TXNDC11: variants seen among roughly 807,000 people sequenced by gnomAD.
The protein encoded by TXNDC11 is thioredoxin domain containing 11, also known as thioredoxin domain-containing protein 11.
A neutral mutation model predicts 78.0 loss-of-function variants in TXNDC11; 68 were observed. That is an observed-to-expected ratio of 0.87 (90% confidence interval 0.72 to 1.07). The LOEUF is 1.07. Among genes scored for constraint, TXNDC11 ranks in the 50% least tolerant of loss-of-function variants. TXNDC11 has a pLI of 0.00. For missense variants in TXNDC11, 1,389 were observed against 1,221.8 expected, an observed-to-expected ratio of 1.14 and a Z score of -2.04; for synonymous variants, 571 against 495.2, an observed-to-expected ratio of 1.15 and a Z score of -2.03.
intron 4 of TXNDC11, among the ~76,000 whole-genome samples, chr16:11,727,303 A>G (rs1277704524): frequency 1.3e-5 from 2 of 152,082 alleles, no homozygotes; most frequent in Non-Finnish European, 2.9e-5. Flanking sequence ...TGTTACAAAC[A>G]TATCTAACAG....
At chr16:11,741,945 C>G (rs1429373597) in intron 1 of TXNDC11, 1 of 152,576 alleles carries the variant, frequency 6.6e-6, no homozygotes, top group Non-Finnish European at 1.5e-5. Context: ...GGCAGAAGAA[C>G]CCCTTGAACC....
intron 5 of TXNDC11, among the ~76,000 whole-genome samples, chr16:11,701,908 T>C (rs574090429): frequency 6.6e-6 from 1 of 152,168 alleles, no homozygotes; most frequent in East Asian, 1.9e-4. Flanking sequence ...CACATGTTTG[T>C]TAGGAGTCAC....
At chr16:11,716,246 T>A (rs2051523968) in intron 5 of TXNDC11, among the ~76,000 whole-genome samples, 1 of 152,248 alleles carries the variant, frequency 6.6e-6, no homozygotes, top group Non-Finnish European at 1.5e-5. Context: ...GGTCAAAATT[T>A]GCTGCAAATC....
intron 3 of TXNDC11, among the ~76,000 whole-genome samples, chr16:11,733,693 G>C (rs958034087): frequency 2.0e-5 from 3 of 152,154 alleles, no homozygotes; most frequent in African/African-American, 7.2e-5. Flanking sequence ...AAATGCATTG[G>C]AGTAATTCGT....
intron 3 of TXNDC11, among the ~76,000 whole-genome samples, chr16:11,731,121 T>C (rs931284030): frequency 5.9e-5 from 9 of 152,306 alleles, no homozygotes; most frequent in South Asian, 2.1e-4. Context: ...ACCCTGGAAA[T>C]TGACCACATG....
At chr16:11,729,613 T>A (rs2051985041) in intron 4 of TXNDC11, among the ~76,000 whole-genome samples, 1 of 152,246 alleles carries the variant, frequency 6.6e-6, no homozygotes, top group Admixed American at 6.5e-5. Flanking sequence ...CATGGTTTTT[T>A]AATCTCTGTC....
At position 11,691,736 on chromosome 16, in the gene TXNDC11, A is replaced by G. The variant is rs1366376705; in HGVS notation, c.1454T>C (p.Val485Ala). Reference sequence around the variant, plus strand: ...GCTGCATTCTATGCTGTCTGATGCCACATGATAAAAGGTCTGCTCCTTGAG... The same window carrying G: ...GCTGCATTCTATGCTGTCTGATGCCGCATGATAAAAGGTCTGCTCCTTGAG... ...FYLKEQTFYH[V>A]ASDSIECSNF... is the part of the protein sequence containing the mutation. Residue 485 changes from valine to alanine, a missense_variant, in exon 8 of 12, where the codon GTG becomes GCG. Val to Ala is a moderately conservative substitution (Grantham distance 64, BLOSUM62 0). Coordinates refer to ENST00000283033, the MANE Select transcript of TXNDC11 (RefSeq NM_015914.7). 2.5e-6 allele frequency: 4 copies of G among 1,614,260 alleles called. No homozygotes were observed. The highest frequency in any genetic ancestry group is 3.4e-6 in the Non-Finnish European group (4 of 1,180,056).
intron 3 of TXNDC11, 76 bp from the exon 4 acceptor site, chr16:11,730,850 T>A: frequency 9.0e-7 from 1 of 1,108,444 alleles, no homozygotes; most frequent in Non-Finnish European, 1.2e-6. Context: ...AATGTATAAC[T>A]AAAATCATCA....
chr16:11,724,922 T>A (rs527305628), intron 4 of TXNDC11, among the ~76,000 whole-genome samples: 2 of 152,216 alleles, frequency 1.3e-5, no homozygotes, highest in Admixed American at 6.5e-5. Flanking sequence ...ATTTTTTGTA[T>A]TTTTAGTAGA....
intron 5 of TXNDC11, among the ~76,000 whole-genome samples, chr16:11,717,693 C>A (rs979683085): frequency 6.7e-6 from 1 of 149,992 alleles, no homozygotes; most frequent in East Asian, 2.0e-4. Context: ...TGGTGGCAGG[C>A]GCCTGTAATC....
At chr16:11,720,168 G>C (rs1248439568) in intron 5 of TXNDC11, among the ~76,000 whole-genome samples, 1 of 152,118 alleles carries the variant, frequency 6.6e-6, no homozygotes, top group Non-Finnish European at 1.5e-5. Flanking sequence ...ACAATTGGGA[G>C]AATATGACCT....
chr16:11,697,207 A>C (rs1040983655), intron 7 of TXNDC11, among the ~76,000 whole-genome samples: 1 of 152,182 alleles, frequency 6.6e-6, no homozygotes, highest in Non-Finnish European at 1.5e-5. Flanking sequence ...TCATAACTTG[A>C]GCAAAAAGAC....
chr16:11,725,566 C>G (rs969373013), intron 4 of TXNDC11, among the ~76,000 whole-genome samples: 1 of 152,174 alleles, frequency 6.6e-6, no homozygotes, highest in Non-Finnish European at 1.5e-5. Flanking sequence ...CAAGGCTGGG[C>G]TGTCGTCCAG....
In TXNDC11 at chr16:11,679,850, G is replaced by A; in HGVS notation, c.2235-13C>T. On this transcript the variant is annotated splice_polypyrimidine_tract_variant and intron_variant, in intron 11 of 11. Transcript: ENST00000283033. The surrounding 1 kb of genome is among the most constrained non-coding windows in gnomAD (Gnocchi z 4.6). ...ACTTAGGTCCTTTCTGGAGAGAGAG[G>A]GAAAGGAAGCAAAGACAGGAGTCAC... 2.5e-6 allele frequency: 4 copies of A among 1,597,754 alleles called. No individual in the cohort carries two copies. Among genetic ancestry groups the A allele is most frequent in the African/African-American group, 1.3e-5 (1 of 74,594 alleles).
chr16:11,718,562 C>T (rs1337481004), intron 5 of TXNDC11, among the ~76,000 whole-genome samples: 1 of 151,806 alleles, frequency 6.6e-6, no homozygotes, highest in Non-Finnish European at 1.5e-5. Flanking sequence ...AGGAAAACAC[C>T]ATTTGACTTC....
At chr16:11,740,829 A>C (rs980424527) in intron 1 of TXNDC11, among the ~76,000 whole-genome samples, 2 of 152,214 alleles carry the variant, frequency 1.3e-5, no homozygotes, top group Non-Finnish European at 2.9e-5. Flanking sequence ...TCAAACTTTA[A>C]TGGGGATTGT....
chr16:11,680,984 T>C (rs905900546), intron 11 of TXNDC11, among the ~76,000 whole-genome samples: 3 of 151,626 alleles, frequency 2.0e-5, no homozygotes, highest in African/African-American at 7.3e-5. Context: ...CTGGACAATA[T>C]AGTAAGGCCT....
At chr16:11,693,358 T>C (rs762918575) in intron 7 of TXNDC11, among the ~76,000 whole-genome samples, 11 of 152,190 alleles carry the variant, frequency 7.2e-5, no homozygotes, top group Non-Finnish European at 1.5e-4. Flanking sequence ...TAAGTTATAA[T>C]CCAAAGGCAT....
chr16:11,732,686 G>C (rs1457760583), intron 3 of TXNDC11, among the ~76,000 whole-genome samples: 1 of 152,130 alleles, frequency 6.6e-6, no homozygotes, highest in East Asian at 1.9e-4. Flanking sequence ...TAGAGATGGG[G>C]TAGAAAAGTG....
Sources: gnomAD v4.1 joint callset for allele counts (sites outside exome capture counted in the v4.1 genomes callset) on GRCh38, gnomAD v4.1.1 for gene constraint, Gnocchi (gnomAD v3.1) non-coding constraint, MANE v1.5 for transcripts, NCBI Gene and HGNC (gene_info 2026-07-23, HGNC 2026-07-21) for gene names.